PCDH15: variants seen among roughly 807,000 people sequenced by gnomAD.
PCDH15 encodes the protein protocadherin-15.
In PCDH15, 129 loss-of-function variants were observed where a neutral mutation model predicts 178.5. The observed-to-expected ratio is 0.72, with a 90% CI of 0.63 to 0.84. The LOEUF (loss-of-function observed/expected upper bound fraction) is 0.84. PCDH15 is among the 40% of genes least tolerant of loss of function. The probability of loss-of-function intolerance (pLI) is 0.00; values close to 1 mark genes in which losing one functional copy is unlikely to be tolerated. For synonymous variants in PCDH15, 800 were observed against 732.0 expected (o/e 1.09, Z -1.50); for missense variants, 2,230 against 2,099.9 (o/e 1.06, Z -1.21).
intron 1 of PCDH15, among the ~76,000 whole-genome samples, chr10:55,294,307 C>T (rs1016583756): frequency 6.6e-6 from 1 of 152,134 alleles, no homozygotes; most frequent in African/African-American, 2.4e-5. Flanking sequence ...CCCAGCCATA[C>T]CATGTCAATT....
At chr10:54,517,845 A>G (rs1335021853) in intron 3 of PCDH15, among the ~76,000 whole-genome samples, 4 of 152,192 alleles carry the variant, frequency 2.6e-5, no homozygotes, top group Admixed American at 2.6e-4. Context: ...AAAGAACAGA[A>G]ATTATAACAA....
intron 2 of PCDH15, among the ~76,000 whole-genome samples, chr10:55,379,888 A>T: frequency 6.6e-6 from 1 of 152,142 alleles, no homozygotes; most frequent in East Asian, 1.9e-4. Context: ...TTTCTACCAG[A>T]GAAGGCAGTT....
At chr10:54,373,852 A>G (rs1263019977) in intron 4 of PCDH15, among the ~76,000 whole-genome samples, 2 of 152,188 alleles carry the variant, frequency 1.3e-5, no homozygotes, top group South Asian at 2.1e-4. Context: ...ATAAAATTCA[A>G]CTGATAGCAC....
At chr10:55,051,553 C>T (rs1355152601) in intron 2 of PCDH15, among the ~76,000 whole-genome samples, 2 of 152,068 alleles carry the variant, frequency 1.3e-5, no homozygotes, top group Non-Finnish European at 2.9e-5. Context: ...TTTTTCTCTC[C>T]TGTCCTAAGC....
At chr10:54,653,664 A>G (rs2094312540) in intron 2 of PCDH15, among the ~76,000 whole-genome samples, 1 of 152,166 alleles carries the variant, frequency 6.6e-6, no homozygotes, top group Non-Finnish European at 1.5e-5. Flanking sequence ...ATAGCACAGC[A>G]TGTATGATCA....
intron 8 of PCDH15, among the ~76,000 whole-genome samples, chr10:54,249,421 A>G (rs1170564299): frequency 6.6e-6 from 1 of 152,150 alleles, no homozygotes; most frequent in Non-Finnish European, 1.5e-5. Flanking sequence ...GTTAAGCATA[A>G]AGTATAATTT....
chr10:55,328,443 A>C (rs1844093896), intron 2 of PCDH15, among the ~76,000 whole-genome samples: 1 of 151,886 alleles, frequency 6.6e-6, no homozygotes, highest in South Asian at 2.1e-4. Context: ...TACTGTAGGC[A>C]ATTGAAACAC....
intron 2 of PCDH15, among the ~76,000 whole-genome samples, chr10:55,142,048 G>A (rs947316622): frequency 5.9e-5 from 9 of 152,088 alleles, no homozygotes. Flanking sequence ...ATGGCAGAAT[G>A]TATTTGTTAG....
At chr10:55,087,707 A>G (rs1842208669) in intron 2 of PCDH15, among the ~76,000 whole-genome samples, 1 of 152,142 alleles carries the variant, frequency 6.6e-6, no homozygotes, top group South Asian at 2.1e-4. Flanking sequence ...GACAGTGTGA[A>G]TTTTCAATTC....
Position 54,717,493 on chromosome 10 carries a change from A to G in PCDH15, c.-28-53203T>C, listed in dbSNP as rs901782087. On this transcript the variant is annotated intron_variant, in intron 1 of 37. Coordinates refer to ENST00000644397, the MANE Select transcript of PCDH15 (RefSeq NM_001384140.1). The stretch of plus-strand genomic sequence containing the variant: ...CCCAAAAGAAGATATTTATGCAGCC[A>G]AAAAACGCATGAAAAAATGCTCACC... 1.2e-4 allele frequency among the ~76,000 whole-genome samples: 17 copies of G among 146,616 alleles called. 1 individual carries two copies. Among genetic ancestry groups the G allele is most frequent in the South Asian group, 4.3e-4 (2 of 4,674 alleles).
intron 2 of PCDH15, among the ~76,000 whole-genome samples, chr10:55,444,509 A>G (rs1839271455): frequency 1.3e-5 from 2 of 152,124 alleles, no homozygotes; most frequent in Non-Finnish European, 1.5e-5. Context: ...CTGATATGAT[A>G]CAAATATCAT....
intron 3 of PCDH15, among the ~76,000 whole-genome samples, chr10:54,456,682 G>A (rs1436679192): frequency 6.6e-6 from 1 of 152,102 alleles, no homozygotes; most frequent in Non-Finnish European, 1.5e-5. Context: ...GGGACTAGGG[G>A]TAGAATGATA....
chr10:54,236,772 AC>A, intron 9 of PCDH15, 50 bp downstream of exon 9: 2 of 1,361,560 alleles, frequency 1.5e-6, no homozygotes, highest in East Asian at 2.3e-5. Flanking sequence ...AGAATTTGTT[AC>A]TGTAAGATTC....
At chr10:54,418,557 T>A (rs2135765819) in intron 3 of PCDH15, among the ~76,000 whole-genome samples, 1 of 152,012 alleles carries the variant, frequency 6.6e-6, no homozygotes, top group South Asian at 2.1e-4. Context: ...CAAATTACAG[T>A]ATTAGAACAT....
At chr10:55,259,763 G>A (rs778405182) in intron 1 of PCDH15, among the ~76,000 whole-genome samples, 4 of 151,656 alleles carry the variant, frequency 2.6e-5, no homozygotes, top group African/African-American at 4.8e-5. Flanking sequence ...TTAGCTGGGC[G>A]TGGCGGTGCA....
Position 55,057,644 on chromosome 10 carries a change from G to A in PCDH15, c.-80+108932C>T, listed in dbSNP as rs938094947. On this transcript the variant is annotated intron_variant, in intron 2 of 5. Transcript: ENST00000458638. ...CCTAACCTCTTCCCCTATTCTGAACGCTAGAATCCCTTTCTTCTCCTCTCC... is the reference window on the plus strand; with the variant it reads ...CCTAACCTCTTCCCCTATTCTGAACACTAGAATCCCTTTCTTCTCCTCTCC... 7.9e-5 allele frequency among the ~76,000 whole-genome samples: 12 copies of A among 151,966 alleles called. No homozygotes were observed. The East Asian group carries it at 1.7e-3, about 22-fold the overall frequency.
chr10:54,448,267 T>A (rs1457680632), intron 3 of PCDH15, among the ~76,000 whole-genome samples: 1 of 151,754 alleles, frequency 6.6e-6, no homozygotes, highest in African/African-American at 2.4e-5. Context: ...AATTGTCTTA[T>A]CTATTGTCTA....
At chr10:54,195,103 A>T (rs1591090633) in intron 11 of PCDH15, among the ~76,000 whole-genome samples, 1 of 152,176 alleles carries the variant, frequency 6.6e-6, no homozygotes, top group Non-Finnish European at 1.5e-5. Flanking sequence ...CACTCTGGCT[A>T]AGGAGGTAAA....
intron 3 of PCDH15, among the ~76,000 whole-genome samples, chr10:54,402,760 G>A (rs773957039): frequency 5.9e-5 from 9 of 151,888 alleles, no homozygotes; most frequent in Admixed American, 2.0e-4. Context: ...TTCATGAAAT[G>A]TTTTGTGTGT....
Sources: gnomAD v4.1 joint callset for allele counts (sites outside exome capture counted in the v4.1 genomes callset) on GRCh38, gnomAD v4.1.1 for gene constraint, MANE v1.5 for transcripts, NCBI Gene and HGNC (gene_info 2026-07-23, HGNC 2026-07-21) for gene names.